The following SYNPO2L variants were observed in gnomAD, a reference collection of about 807,000 sequenced individuals.
SYNPO2L encodes the protein synaptopodin 2-like protein.
A neutral mutation model predicts 47.5 loss-of-function variants in SYNPO2L; 34 were observed. The observed-to-expected ratio is 0.72, with a 90% CI of 0.54 to 0.95. The LOEUF is 0.95. Among genes scored for constraint, SYNPO2L ranks in the 40% least tolerant of loss-of-function variants. The pLI is 0.00. For missense variants in SYNPO2L, 1,246 were observed against 1,282.0 expected, an observed-to-expected ratio of 0.97 and a Z score of 0.43; for synonymous variants, 536 against 524.9, an observed-to-expected ratio of 1.02 and a Z score of -0.29.
chr10:73,655,542 C>T (rs2081871820), intron 1 of SYNPO2L, among the ~76,000 whole-genome samples: 1 of 152,132 alleles, frequency 6.6e-6, no homozygotes, highest in Non-Finnish European at 1.5e-5. Context: ...AGCTGGGCCT[C>T]TGATACCACA....
chr10:73,647,606 T>A lies in SYNPO2L; in HGVS notation c.2046A>T (p.Glu682Asp). 1 of 1,614,108 alleles carries A rather than the reference T, an allele frequency of 6.2e-7. No homozygotes were observed. Among genetic ancestry groups the A allele is most frequent in the Non-Finnish European group, 8.5e-7 (1 of 1,180,000 alleles). ...CTACTGGCTGCATGAAGTTGCAGGC[T>A]TCAGCCCCGAGGCTCAGAGCATCTT... ...PEEDALSLGA[E>D]ACNFMQPVGA... The change falls in exon 4 of 4, where the codon GAA becomes GAT. Residue 682 changes from glutamate to aspartate, a missense_variant. By Grantham distance (45) the Glu-to-Asp change is conservative (BLOSUM62 2). This residue lies in a region of SYNPO2L where 1,037 missense variants were observed against 1,021.5 expected (regional missense o/e 1.02). Coordinates refer to ENST00000394810, the MANE Select transcript of SYNPO2L (RefSeq NM_001114133.3).
In SYNPO2L at chr10:73,646,823, C is replaced by A. The variant is rs2081757065; in HGVS notation, c.2829G>T (p.Gly943=). The change falls in exon 4 of 4, where the codon GGG becomes GGT. Residue 943 remains glycine (G), a synonymous_variant. Coordinates refer to ENST00000394810, the MANE Select transcript of SYNPO2L (RefSeq NM_001114133.3). ...APPPEAPRGL[G]ASPSSCGFQV... The stretch of plus-strand genomic sequence containing the variant: ...GGAAACCGCAGGAGCTGGGAGAAGC[C>A]CCAAGGCCCCTGGGAGCCTCTGGAG... The A allele has an allele frequency of 9.0e-6, 14 of 1,548,056 alleles. No individual in the cohort carries two copies. The highest frequency in any genetic ancestry group is 1.2e-5 in the Non-Finnish European group (14 of 1,149,852).
chr10:73,653,709 A>T (rs2081858678), intron 2 of SYNPO2L, 56 bp from the exon 3 acceptor site: 1 of 1,473,906 alleles, frequency 6.8e-7, no homozygotes, highest in South Asian at 1.4e-5. Flanking sequence ...ACAGCTAGAG[A>T]GATCTGGAAG....
rs767093147 is a variant in SYNPO2L at position 73,646,469 on chromosome 10, A to G, written c.*249T>C. ...GGTGGAGAAGCCTGGAAATAAAGAC[A>G]GAGATCCAGGAAAGGAAATGCAGAG... On this transcript the variant is annotated 3_prime_UTR_variant, in exon 4 of 4. Coordinates refer to ENST00000394810, the MANE Select transcript of SYNPO2L (RefSeq NM_001114133.3). The G allele has an allele frequency of 8.3e-6, 10 of 1,205,626 alleles. No individual in the cohort carries two copies. Among genetic ancestry groups the G allele is most frequent in the Non-Finnish European group, 1.0e-5 (10 of 971,814 alleles). 74.7% of individuals were successfully genotyped at this position (1,205,626 alleles called of 1,614,324 possible). A position where few individuals can be genotyped will look rare whatever the true frequency, so the allele number is the denominator to read the frequency against.
At position 73,653,359 on chromosome 10, in the gene SYNPO2L, TGGCTCTGCAGGGCTGTCA is replaced by T. The variant is rs1564995047; in HGVS notation, c.534_551del (p.Asp179_Pro184del). The T allele has an allele frequency of 6.4e-7, 1 of 1,551,482 alleles. No individual in the cohort carries two copies. Among genetic ancestry groups the T allele is most frequent in the Non-Finnish European group, 8.7e-7 (1 of 1,146,994 alleles). Reference sequence around the variant, plus strand: ...TGGGAGGGCCAGGGATAGTAGGTGCTGGCTCTGCAGGGCTGTCAGACAGGTAGACCTCATCAGGTGGGG... The same window carrying T: ...TGGGAGGGCCAGGGATAGTAGGTGCTGACAGGTAGACCTCATCAGGTGGGG... On this transcript the variant is annotated inframe_deletion, in exon 3 of 4. Transcript: ENST00000394810.
At position 73,654,379 on chromosome 10, in the gene SYNPO2L, T is replaced by C. The variant is rs923773668; in HGVS notation, c.106-99A>G. ...GGACCCACAGGAGGGGATTTTACTT[T>C]GCAGGGTAAGAAGGGTGGGGAGATG... On this transcript the variant is annotated intron_variant, in intron 1 of 3. Coordinates refer to ENST00000394810, the MANE Select transcript of SYNPO2L (RefSeq NM_001114133.3). 2.0e-6 allele frequency: 3 copies of C among 1,471,322 alleles called. No homozygotes were observed. The African/African-American group carries it at 4.2e-5, about 21-fold the overall frequency. 91.1% of individuals were successfully genotyped at this position (1,471,322 alleles called of 1,614,324 possible).
chr10:73,645,023 A>T lies in SYNPO2L; in HGVS notation c.*1695T>A. 3 of 1,266,226 alleles carry T rather than the reference A, an allele frequency of 2.4e-6. No individual in the cohort carries two copies. Among genetic ancestry groups the T allele is most frequent in the South Asian group, 2.7e-5 (2 of 74,340 alleles). The allele number at this position is 1,266,226 out of a possible 1,614,324, so 78.4% of individuals were successfully genotyped here. On this transcript the variant is annotated 3_prime_UTR_variant, in exon 4 of 4. Coordinates refer to ENST00000394810, the MANE Select transcript of SYNPO2L (RefSeq NM_001114133.3). ...CTTGGTGAGAAGGGAGTCCATACTAAGATTGGAGATCAGGACCTGAAGCTG... is the reference window on the plus strand; with the variant it reads ...CTTGGTGAGAAGGGAGTCCATACTATGATTGGAGATCAGGACCTGAAGCTG...
chr10:73,654,020 G>A, intron 2 of SYNPO2L, 109 bp downstream of exon 2: 1 of 1,376,162 alleles, frequency 7.3e-7, no homozygotes, highest in Non-Finnish European at 9.8e-7. Context: ...AAACGCACGA[G>A]CAGAAATAGG....
intron 1 of SYNPO2L, 128 bp downstream of exon 1, chr10:73,655,690 G>GCCCCCCCCCCCCCCCACCTTC: frequency 3.7e-6 from 1 of 271,704 alleles, no homozygotes; most frequent in Non-Finnish European, 7.4e-6. Flanking sequence ...ATACTTCCCT[G>GCCCCCCCCCCCCCCCACCTTC]CCCACCACCC....
chr10:73,649,875 C>G lies in SYNPO2L; in HGVS notation c.773-996G>C, dbSNP rs569520477. On this transcript the variant is annotated intron_variant, in intron 3 of 3. Coordinates refer to ENST00000394810, the MANE Select transcript of SYNPO2L (RefSeq NM_001114133.3). ...GAGTGTTGTTCTCCAAGGCAACACT[C>G]CAAATCTTTAGGATACCTCAAGGTC... 1.0e-4 allele frequency: 102 copies of G among 985,368 alleles called. No individual in the cohort carries two copies. In the African/African-American group the frequency reaches 1.6e-3, roughly 16 times the overall value. 61.0% of individuals were successfully genotyped at this position (985,368 alleles called of 1,614,324 possible).
Position 73,646,468 on chromosome 10 carries a change from C to T in SYNPO2L, c.*250G>A. The T allele has an allele frequency of 8.3e-7, 1 of 1,203,878 alleles. No individual in the cohort carries two copies. Among genetic ancestry groups the T allele is most frequent in the Non-Finnish European group, 1.0e-6 (1 of 970,890 alleles). The allele number at this position is 1,203,878 out of a possible 1,614,324, so 74.6% of individuals were successfully genotyped here. A position where few individuals can be genotyped will look rare whatever the true frequency, so the allele number is the denominator to read the frequency against. On this transcript the variant is annotated 3_prime_UTR_variant, in exon 4 of 4. Coordinates refer to ENST00000394810, the MANE Select transcript of SYNPO2L (RefSeq NM_001114133.3). Reference sequence around the variant, plus strand: ...GGGTGGAGAAGCCTGGAAATAAAGACAGAGATCCAGGAAAGGAAATGCAGA... The same window carrying T: ...GGGTGGAGAAGCCTGGAAATAAAGATAGAGATCCAGGAAAGGAAATGCAGA...
rs1333158012 is a variant in SYNPO2L, at chr10:73,646,617, A to G, written c.*101T>C. On this transcript the variant is annotated 3_prime_UTR_variant, in exon 4 of 4. Transcript: ENST00000394810. The stretch of plus-strand genomic sequence containing the variant: ...TGGAAACCATCTCTGGCAGGAGGCA[A>G]TTTAGCTTCCAGATGCGTGACAGGG... The G allele has an allele frequency of 1.5e-6, 2 of 1,344,872 alleles. No homozygotes were observed. Among genetic ancestry groups the G allele is most frequent in the Non-Finnish European group, 1.9e-6 (2 of 1,041,438 alleles). The allele number at this position is 1,344,872 out of a possible 1,614,324, so 83.3% of individuals were successfully genotyped here.
At position 73,646,026 on chromosome 10, in the gene SYNPO2L, G is replaced by A. The variant is rs1054378526; in HGVS notation, c.*692C>T. 46 of 937,328 alleles carry A rather than the reference G, an allele frequency of 4.9e-5. No individual in the cohort carries two copies. In the East Asian group the frequency reaches 7.0e-4, roughly 14 times the overall value. 58.1% of individuals were successfully genotyped at this position (937,328 alleles called of 1,614,324 possible). On this transcript the variant is annotated 3_prime_UTR_variant, in exon 4 of 4. Transcript: ENST00000394810. ...TTTTTAGTGGAAATGGGGTTTCACC[G>A]TGTTAGCCAGGATGGTCTCGATCTC...
intron 3 of SYNPO2L, chr10:73,650,652 T>A (rs755073018): frequency 2.8e-5 from 27 of 955,644 alleles, no homozygotes; most frequent in Non-Finnish European, 3.1e-5. Context: ...ATACATGCCT[T>A]CATGTATTCA....
rs1589450687 is a variant in SYNPO2L, at chr10:73,647,099, C to A, written c.2553G>T (p.Arg851=). 1.2e-6 allele frequency: 2 copies of A among 1,614,070 alleles called. No homozygotes were observed. Among genetic ancestry groups the A allele is most frequent in the Non-Finnish European group, 1.7e-6 (2 of 1,180,010 alleles). Residue 851 remains arginine, a synonymous_variant, in exon 4 of 4, where the codon CGG becomes CGT. Coordinates refer to ENST00000394810, the MANE Select transcript of SYNPO2L (RefSeq NM_001114133.3). Reference sequence around the variant, plus strand: ...CAGTTTTAAGTTGATAGGGCTGATGCCGCATAAAATCTAGAGCCTTGATGC... The same window carrying A: ...CAGTTTTAAGTTGATAGGGCTGATGACGCATAAAATCTAGAGCCTTGATGC... ...KQGIKALDFM[R]HQPYQLKTAM...
chr10:73,651,062 CT>C, intron 3 of SYNPO2L: 8 of 1,556,440 alleles, frequency 5.1e-6, no homozygotes, highest in Non-Finnish European at 6.1e-6. Flanking sequence ...CCCCCCACGC[CT>C]TTTAAAGCCC....
In SYNPO2L at chr10:73,656,000, G is replaced by T. The variant is rs1252388787; in HGVS notation, c.-78C>A. On this transcript the variant is annotated 5_prime_UTR_variant, in exon 1 of 4. Coordinates refer to ENST00000394810, the MANE Select transcript of SYNPO2L (RefSeq NM_001114133.3). Reference sequence around the variant, plus strand: ...AGTTGAGGTGCTCGAACCCCGTCTGGGCTTCCTGTCCGGCTGTCCTGCTCC... The same window carrying T: ...AGTTGAGGTGCTCGAACCCCGTCTGTGCTTCCTGTCCGGCTGTCCTGCTCC... 4.7e-6 allele frequency: 6 copies of T among 1,284,826 alleles called. 1 individual carries two copies. In the Admixed American group the frequency reaches 1.5e-4, roughly 32 times the overall value. 79.6% of individuals were successfully genotyped at this position (1,284,826 alleles called of 1,614,324 possible). A position where few individuals can be genotyped will look rare whatever the true frequency, so the allele number is the denominator to read the frequency against.
At position 73,647,720 on chromosome 10, in the gene SYNPO2L, C is replaced by T. The variant is rs1263490541; in HGVS notation, c.1932G>A (p.Thr644=). 1 of 1,614,144 alleles carries T rather than the reference C, an allele frequency of 6.2e-7. No individual in the cohort carries two copies. The highest frequency in any genetic ancestry group is 1.1e-5 in the South Asian group (1 of 91,078). ...KQMFRPGKEE[T]KNSPNPELLS... ...GCAGCTCGGGGTTGGGCGAGTTCTT[C>T]GTCTCCTCCTTTCCCGGCCGGAACA... The change falls in exon 4 of 4, where the codon ACG becomes ACA. Residue 644 remains threonine, a synonymous_variant. Transcript: ENST00000394810.
chr10:73,653,643 C>T lies in SYNPO2L; in HGVS notation c.268G>A (p.Glu90Lys), dbSNP rs1267256034. 5.2e-6 allele frequency: 8 copies of T among 1,542,710 alleles called. No individual in the cohort carries two copies. The Admixed American group carries it at 5.9e-5, about 11-fold the overall frequency. Residue 90 changes from glutamate to lysine, a missense_variant, in exon 3 of 4, where the codon GAG becomes AAG. This residue lies in a region of SYNPO2L where 148 missense variants were observed against 204.8 expected (regional missense o/e 0.72). Transcript: ENST00000394810. ...LVLTVQRLAD[E>K]GPVQSPSPHE... ...GGAGATGGAGATTGCACAGGACCCT[C>T]GTCTGCTAACCTGGATAGGAAAGAT...
Sources: gnomAD v4.1 joint callset for allele counts (sites outside exome capture counted in the v4.1 genomes callset) on GRCh38, gnomAD v4.1.1 for gene constraint, gnomAD v4.1.1 regional missense constraint, MANE v1.5 for transcripts, NCBI Gene and HGNC (gene_info 2026-07-23, HGNC 2026-07-21) for gene names.